RHOT1: variants seen among roughly 807,000 people sequenced by gnomAD.
RHOT1 encodes the protein mitochondrial Rho GTPase 1.
RHOT1 carries 27 observed loss-of-function variants against 95.3 expected under a neutral mutation model. That is an observed-to-expected ratio of 0.28 (90% confidence interval 0.21 to 0.39). The LOEUF is 0.39. Among genes scored for constraint, RHOT1 ranks in the 10% least tolerant of loss-of-function variants. The pLI, the probability that RHOT1 is intolerant of heterozygous loss-of-function variation, is 1.00. For missense variants in RHOT1, 578 were observed against 786.7 expected (o/e 0.73, Z 3.17); for synonymous variants, 227 against 263.5 (o/e 0.86, Z 1.34).
At position 32,190,932 on chromosome 17, in the gene RHOT1, C is replaced by T. The variant is rs145971411; in HGVS notation, c.541-1269C>T. On this transcript the variant is annotated intron_variant, in intron 8 of 19. Transcript: ENST00000545287. The stretch of plus-strand genomic sequence containing the variant: ...TGCCTCAGCCTCCCAAGTACTGGGA[C>T]TACAGGCACATGCCACCACACCCAG... Among the ~76,000 whole-genome samples, 706 of 152,168 alleles carry T rather than the reference C, an allele frequency of 4.6e-3. 3 individuals are homozygous for T. Among genetic ancestry groups the T allele is most frequent in the Middle Eastern group, 6.8e-3 (2 of 294 alleles).
chr17:32,200,398 C>T (rs1401715082), intron 13 of RHOT1, among the ~76,000 whole-genome samples: 1 of 151,988 alleles, frequency 6.6e-6, no homozygotes, highest in African/African-American at 2.4e-5. Context: ...TGTTTCTGGA[C>T]AGATGGAGTA....
At chr17:32,150,867 G>A (rs944789669) in intron 1 of RHOT1, 23 of 1,531,002 alleles carry the variant, frequency 1.5e-5, no homozygotes, top group Middle Eastern at 1.7e-4. Context: ...CTGAAACCAC[G>A]GGAGAAAAAG....
intron 19 of RHOT1, among the ~76,000 whole-genome samples, chr17:32,215,637 T>C (rs1179866034): frequency 6.6e-6 from 1 of 152,218 alleles, no homozygotes; most frequent in African/African-American, 2.4e-5. Flanking sequence ...TTCAAGAGGT[T>C]AATTTCTGCA....
At chr17:32,206,260 C>T (rs2142879668) in intron 16 of RHOT1, among the ~76,000 whole-genome samples, 1 of 122,706 alleles carries the variant, frequency 8.1e-6, no homozygotes, top group East Asian at 2.4e-4. Flanking sequence ...GGCTGGAATG[C>T]AGCGGCGTGA....
At chr17:32,153,129 A>C (rs2032532744) in intron 1 of RHOT1, among the ~76,000 whole-genome samples, 1 of 152,152 alleles carries the variant, frequency 6.6e-6, no homozygotes. Context: ...ATTGTGGACT[A>C]AAAGGTAGGT....
intron 6 of RHOT1, among the ~76,000 whole-genome samples, chr17:32,180,922 C>T (rs915637516): frequency 5.3e-5 from 8 of 152,210 alleles, no homozygotes; most frequent in Non-Finnish European, 1.0e-4. Context: ...TGGTCTCAAG[C>T]AGTCCTTCCG....
At chr17:32,184,397 T>G (rs1298792406) in intron 8 of RHOT1, among the ~76,000 whole-genome samples, 1 of 152,250 alleles carries the variant, frequency 6.6e-6, no homozygotes, top group Non-Finnish European at 1.5e-5. Context: ...ATATCCACAT[T>G]GTAGCATGTA....
chr17:32,220,058 T>C (rs1248178991), intron 19 of RHOT1, among the ~76,000 whole-genome samples: 1 of 152,236 alleles, frequency 6.6e-6, no homozygotes, highest in Non-Finnish European at 1.5e-5. Flanking sequence ...TGTAGAAAGA[T>C]AGTCTTTTTT....
At chr17:32,189,736 C>CTTTTTTT (rs71362807) in intron 8 of RHOT1, among the ~76,000 whole-genome samples, 25 of 124,364 alleles carry the variant, frequency 2.0e-4, no homozygotes, top group East Asian at 4.5e-4. Context: ...CTTTTCTTTT[C>CTTTTTTT]TTTTTTTTTT....
At chr17:32,209,113 TAATC>T (rs1052518102) in intron 18 of RHOT1, 76 of 256,348 alleles carry the variant, frequency 3.0e-4, no homozygotes, top group Admixed American at 3.1e-4. Context: ...CACAGAGTAA[TAATC>T]AAACATTGCT....
At position 32,203,073 on chromosome 17, in the gene RHOT1, T is replaced by C. The variant is rs113191661; in HGVS notation, c.1332+173T>C. 9.4e-3 allele frequency among the ~76,000 whole-genome samples: 1,430 copies of C among 152,272 alleles called. 26 individuals are homozygous for C. The highest frequency in any genetic ancestry group is 0.033 in the African/African-American group (1,355 of 41,540). ...TCCTGTTGAACTGTCTTTGTTTCAT[T>C]GATATTAGCTATCATTTGTCTTTTT... On this transcript the variant is annotated intron_variant, in intron 15 of 19. Transcript: ENST00000545287.
intron 19 of RHOT1, among the ~76,000 whole-genome samples, chr17:32,220,623 T>C (rs2038771055): frequency 6.6e-6 from 1 of 151,890 alleles, no homozygotes; most frequent in African/African-American, 2.4e-5. Flanking sequence ...TCACTTGAGG[T>C]CAGGAGTTTG....
At chr17:32,206,105 G>A (rs1343071104) in intron 16 of RHOT1, among the ~76,000 whole-genome samples, 1 of 150,606 alleles carries the variant, frequency 6.6e-6, no homozygotes, top group Admixed American at 6.6e-5. Context: ...TTTCTAGCCC[G>A]TCTCCTTATC....
In RHOT1 at chr17:32,182,825, C is replaced by T; in HGVS notation, c.398C>T (p.Pro133Leu). 1 of 1,604,054 alleles carries T rather than the reference C, an allele frequency of 6.2e-7. No individual in the cohort carries two copies. The highest frequency in any genetic ancestry group is 8.5e-7 in the Non-Finnish European group (1 of 1,172,900). ...TATAGTAGTATGGAGACCATCCTTC[C>T]TATTATGAACCAGTATACAGAAATA... ...VEYSSMETIL[P>L]IMNQYTEIET... Residue 133 changes from proline to leucine, a missense_variant, in exon 7 of 20, where the codon CCT becomes CTT. Coordinates refer to ENST00000545287, the MANE Select transcript of RHOT1 (RefSeq NM_001033566.3).
intron 6 of RHOT1, chr17:32,179,000 T>A (rs1348320592): frequency 7.1e-6 from 1 of 141,468 alleles, no homozygotes; most frequent in Non-Finnish European, 1.5e-5. Context: ...GGCAGCCCTG[T>A]CTGGGAAGTG....
chr17:32,164,254 A>G (rs1339134175), intron 1 of RHOT1, among the ~76,000 whole-genome samples: 2 of 152,002 alleles, frequency 1.3e-5, no homozygotes, highest in Non-Finnish European at 2.9e-5. Flanking sequence ...TTCTTTTTTT[A>G]GACGGAGTGT....
chr17:32,177,509 A>T (rs903695584), intron 6 of RHOT1, among the ~76,000 whole-genome samples: 11 of 152,028 alleles, frequency 7.2e-5, no homozygotes, highest in Admixed American at 5.2e-4. Context: ...TAATCCCAGC[A>T]CTTTGGGAGG....
intron 19 of RHOT1, 137 bp downstream of exon 19, chr17:32,211,375 C>T (rs2038123932): frequency 1.5e-6 from 1 of 685,300 alleles, no homozygotes; most frequent in African/African-American, 1.8e-5. Context: ...AAAATTCTCA[C>T]TGTGATGACA....
intron 19 of RHOT1, among the ~76,000 whole-genome samples, chr17:32,219,080 A>G (rs2038666800): frequency 6.6e-6 from 1 of 152,148 alleles, no homozygotes; most frequent in African/African-American, 2.4e-5. Flanking sequence ...TCTTAGTTGT[A>G]TTTTGGAAAG....
Sources: allele counts gnomAD v4.1 joint callset (sites outside exome capture counted in the v4.1 genomes callset), GRCh38; gene constraint gnomAD v4.1.1; transcripts MANE v1.5; gene names NCBI Gene and HGNC (gene_info 2026-07-23, HGNC 2026-07-21).